Variants in UBE2E2 observed in about 807,000 individuals in gnomAD.
The protein encoded by UBE2E2 is ubiquitin-conjugating enzyme E2 E2.
In UBE2E2, 6 loss-of-function variants were observed where a neutral mutation model predicts 24.7. The ratio of observed to expected loss-of-function variants is 0.24; its 90% CI spans 0.13 to 0.48. The LOEUF is 0.48. UBE2E2 is among the 20% of genes least tolerant of loss of function. The pLI, the probability that UBE2E2 is intolerant of heterozygous loss-of-function variation, is 0.99. For missense variants in UBE2E2, 169 were observed against 245.0 expected, an observed-to-expected ratio of 0.69 and a Z score of 2.07; for synonymous variants, 104 against 83.6, an observed-to-expected ratio of 1.24 and a Z score of -1.33.
chr3:23,257,902 T>C (rs1384507588), intron 3 of UBE2E2, among the ~76,000 whole-genome samples: 1 of 152,122 alleles, frequency 6.6e-6, no homozygotes, highest in Admixed American at 6.5e-5. Flanking sequence ...TTCTGTATTT[T>C]TGCTTTTCTT....
intron 3 of UBE2E2, among the ~76,000 whole-genome samples, chr3:23,498,595 A>G (rs1699655689): frequency 6.6e-6 from 1 of 152,174 alleles, no homozygotes; most frequent in Non-Finnish European, 1.5e-5. Context: ...ACTTTTCAAT[A>G]AGTTTTATAT....
At chr3:23,349,783 G>C in intron 3 of UBE2E2, among the ~76,000 whole-genome samples, 1 of 152,240 alleles carries the variant, frequency 6.6e-6, no homozygotes, top group East Asian at 1.9e-4. Flanking sequence ...GCCTGCCTCT[G>C]TAGGCTCCAC....
chr3:23,266,598 C>G (rs11707094), intron 3 of UBE2E2, among the ~76,000 whole-genome samples: 127,840 of 151,760 alleles, frequency 0.84, 53,976 homozygotes, highest in African/African-American at 0.91. Flanking sequence ...TTCAACTTTG[C>G]TGAATCTGAC....
At chr3:23,270,918 G>C (rs1289824899) in intron 3 of UBE2E2, 2 of 456,618 alleles carry the variant, frequency 4.4e-6, no homozygotes, top group South Asian at 3.1e-5. Flanking sequence ...AAATCCTGCT[G>C]ACAACTAAGT....
chr3:23,466,382 C>CA (rs1234482595), intron 3 of UBE2E2, among the ~76,000 whole-genome samples: 1 of 152,158 alleles, frequency 6.6e-6, no homozygotes, highest in Non-Finnish European at 1.5e-5. Flanking sequence ...TCCTGTATGA[C>CA]AGAGTCTTGA....
At chr3:23,376,033 T>C (rs977936740) in intron 3 of UBE2E2, among the ~76,000 whole-genome samples, 9 of 152,324 alleles carry the variant, frequency 5.9e-5, no homozygotes, top group African/African-American at 2.2e-4. Context: ...GCATACATAA[T>C]CCAAACAATT....
intron 3 of UBE2E2, among the ~76,000 whole-genome samples, chr3:23,424,437 T>C (rs1166812193): frequency 7.1e-6 from 1 of 140,330 alleles, no homozygotes; most frequent in Non-Finnish European, 1.6e-5. Flanking sequence ...TTAAACACCT[T>C]TGTTTTTTTT....
chr3:23,388,686 A>G (rs1254264446), intron 3 of UBE2E2, among the ~76,000 whole-genome samples: 1 of 152,164 alleles, frequency 6.6e-6, no homozygotes, highest in Non-Finnish European at 1.5e-5. Flanking sequence ...ATTTTTTAAA[A>G]AAAATATTTG....
chr3:23,560,428 A>G (rs368655855), intron 5 of UBE2E2, among the ~76,000 whole-genome samples: 2 of 152,006 alleles, frequency 1.3e-5, no homozygotes, highest in African/African-American at 2.4e-5. Flanking sequence ...AATATTCCAT[A>G]GTGTATATGT....
Position 23,235,392 on chromosome 3 carries a change from A to G in UBE2E2, c.227+18080A>G, listed in dbSNP as rs373339586. Among the ~76,000 whole-genome samples, 7 of 152,134 alleles carry G rather than the reference A, an allele frequency of 4.6e-5. No homozygotes were observed. The East Asian group carries it at 7.7e-4, about 17-fold the overall frequency. On this transcript the variant is annotated intron_variant, in intron 3 of 5. Coordinates refer to ENST00000396703, the MANE Select transcript of UBE2E2 (RefSeq NM_152653.4). ...CATGTGCTGAAGCTCGAAAGCAGATAGCTCTGATGTTCAGGGAGCTAGCTG... is the reference window on the plus strand; with the variant it reads ...CATGTGCTGAAGCTCGAAAGCAGATGGCTCTGATGTTCAGGGAGCTAGCTG...
intron 3 of UBE2E2, among the ~76,000 whole-genome samples, chr3:23,402,007 C>G (rs1697236082): frequency 1.3e-5 from 2 of 151,982 alleles, no homozygotes; most frequent in South Asian, 4.1e-4. Flanking sequence ...CAGGCGTGCA[C>G]TACCACGCCC....
chr3:23,494,785 C>T (rs777805173), intron 3 of UBE2E2, among the ~76,000 whole-genome samples: 2 of 151,886 alleles, frequency 1.3e-5, no homozygotes, highest in Non-Finnish European at 2.9e-5. Context: ...AGTGCAGTGG[C>T]GCAGTCTTGG....
intron 3 of UBE2E2, among the ~76,000 whole-genome samples, chr3:23,227,312 T>C (rs1307108447): frequency 1.3e-5 from 2 of 152,222 alleles, no homozygotes; most frequent in Non-Finnish European, 2.9e-5. Flanking sequence ...CTCTTTTATA[T>C]CCATATCTTC....
At chr3:23,517,682 A>T (rs1694772889) in intron 4 of UBE2E2, among the ~76,000 whole-genome samples, 2 of 152,192 alleles carry the variant, frequency 1.3e-5, no homozygotes, top group African/African-American at 4.8e-5. Context: ...GTCTACAAAA[A>T]ATTTATTTCT....
chr3:23,501,534 A>G (rs1699719842), intron 4 of UBE2E2, among the ~76,000 whole-genome samples: 1 of 152,184 alleles, frequency 6.6e-6, no homozygotes, highest in African/African-American at 2.4e-5. Flanking sequence ...GGGGCCATGT[A>G]CTTTCCACTG....
rs575039672 is a variant in UBE2E2, at chr3:23,456,356, G to A, written c.228-43252G>A. ...CTCATGATCACGAATGTTCTTAATGGCGTCTAGAATGGTGAATCCATTCCA... is the reference window on the plus strand; with the variant it reads ...CTCATGATCACGAATGTTCTTAATGACGTCTAGAATGGTGAATCCATTCCA... On this transcript the variant is annotated intron_variant, in intron 3 of 5. Coordinates refer to ENST00000396703, the MANE Select transcript of UBE2E2 (RefSeq NM_152653.4). Among the ~76,000 whole-genome samples the A allele has an allele frequency of 1.9e-4, 29 of 152,272 alleles. 1 individual carries two copies. Among genetic ancestry groups the A allele is most frequent in the African/African-American group, 7.0e-4 (29 of 41,550 alleles).
intron 3 of UBE2E2, among the ~76,000 whole-genome samples, chr3:23,387,753 T>C (rs991675587): frequency 5.3e-5 from 8 of 152,192 alleles, no homozygotes; most frequent in African/African-American, 1.4e-4. Context: ...TAAATTACAG[T>C]TGTAGCAGAG....
In UBE2E2 at chr3:23,564,701, G is replaced by T. The variant is rs1160830622; in HGVS notation, c.509-25033G>T. On this transcript the variant is annotated intron_variant, in intron 5 of 5. Coordinates refer to ENST00000396703, the MANE Select transcript of UBE2E2 (RefSeq NM_152653.4). ...AGGATTCTGTCAGCACATCCACGGG[G>T]TAGAAAGCCTGGTGCTTTCCACCTG... is the stretch of plus-strand genomic sequence containing the variant. Among the ~76,000 whole-genome samples the T allele has an allele frequency of 2.0e-5, 3 of 152,136 alleles. No homozygotes were observed. The South Asian group carries it at 6.2e-4, about 31-fold the overall frequency.
intron 3 of UBE2E2, among the ~76,000 whole-genome samples, chr3:23,244,932 A>G (rs1697355266): frequency 6.6e-6 from 1 of 152,174 alleles, no homozygotes; most frequent in South Asian, 2.1e-4. Context: ...TAATTATAGA[A>G]TAAAAATTTG....
Sources: allele counts gnomAD v4.1 joint callset (sites outside exome capture counted in the v4.1 genomes callset), GRCh38; gene constraint gnomAD v4.1.1; transcripts MANE v1.5; gene names NCBI Gene and HGNC (gene_info 2026-07-23, HGNC 2026-07-21).